Variants in VIL1 observed in about 807,000 individuals in gnomAD.
VIL1 encodes the protein villin 1, also known as villin-1.
A neutral mutation model predicts 104.0 loss-of-function variants in VIL1; 86 were observed. The observed-to-expected ratio is 0.83, with a 90% confidence interval of 0.69 to 0.99. The LOEUF (loss-of-function observed/expected upper bound fraction) is 0.99, where lower values mean the gene tolerates loss of function less well. VIL1 is among the 50% of genes least tolerant of loss of function. The pLI, the probability that VIL1 is intolerant of heterozygous loss-of-function variation, is 0.00. For missense variants in VIL1, 944 were observed against 1,054.1 expected (o/e 0.90, Z 1.45); for synonymous variants, 394 against 412.6 (o/e 0.95, Z 0.55).
intron 4 of VIL1, among the ~76,000 whole-genome samples, chr2:218,427,568 T>C (rs1047662540): frequency 5.3e-5 from 8 of 152,232 alleles, no homozygotes; most frequent in South Asian, 2.1e-4. Flanking sequence ...TCAAATGATC[T>C]GCCCACCTCG....
At chr2:218,425,022 A>G (rs1688955972) in intron 3 of VIL1, among the ~76,000 whole-genome samples, 1 of 151,990 alleles carries the variant, frequency 6.6e-6, no homozygotes, top group South Asian at 2.1e-4. Flanking sequence ...TACTATTAAG[A>G]CATTTGTATT....
chr2:218,425,899 C>A, intron 4 of VIL1, 88 bp downstream of exon 4: 2 of 1,379,910 alleles, frequency 1.4e-6, no homozygotes, highest in Non-Finnish European at 9.8e-7. Context: ...CAGGGACACC[C>A]AGACCTGTTC....
In VIL1 at chr2:218,434,521, T is replaced by C. The variant is rs368082089; in HGVS notation, c.1501-5T>C. ...TCTCTCCCTGTCTTCTGCCCTCACCTGCAGGGAGGCACCTCCCGAACTAAC... is the reference window on the plus strand; with the variant it reads ...TCTCTCCCTGTCTTCTGCCCTCACCCGCAGGGAGGCACCTCCCGAACTAAC... On this transcript the variant is annotated splice_polypyrimidine_tract_variant and splice_region_variant and intron_variant, in intron 13 of 19. Coordinates refer to ENST00000248444, the MANE Select transcript of VIL1 (RefSeq NM_007127.3). The C allele has an allele frequency of 6.2e-7, 1 of 1,608,318 alleles. No individual in the cohort carries two copies. Among genetic ancestry groups the C allele is most frequent in the Non-Finnish European group, 8.5e-7 (1 of 1,177,392 alleles).
chr2:218,446,055 G>A (rs1689359359), intron 19 of VIL1, among the ~76,000 whole-genome samples: 1 of 152,002 alleles, frequency 6.6e-6, no homozygotes, highest in African/African-American at 2.4e-5. Flanking sequence ...AAAAAGCTAG[G>A]CAAAATTTAG....
chr2:218,424,395 C>A, intron 3 of VIL1, 44 bp downstream of exon 3: 1 of 1,594,372 alleles, frequency 6.3e-7, no homozygotes, highest in Non-Finnish European at 8.6e-7. Context: ...GAGCAAAACC[C>A]ACTGTGGTGT....
intron 18 of VIL1, among the ~76,000 whole-genome samples, chr2:218,439,066 G>T: frequency 6.6e-6 from 1 of 151,812 alleles, no homozygotes; most frequent in East Asian, 1.9e-4. Flanking sequence ...AAGTAGCTGG[G>T]ATTACAGGTG....
chr2:218,433,910 A>G (rs1009480410), intron 13 of VIL1, among the ~76,000 whole-genome samples: 1 of 149,738 alleles, frequency 6.7e-6, no homozygotes, highest in Non-Finnish European at 1.5e-5. Context: ...GGAAAAAAAA[A>G]AAAAGGCTAG....
intron 19 of VIL1, among the ~76,000 whole-genome samples, chr2:218,441,799 C>A (rs1689288857): frequency 6.6e-6 from 1 of 152,042 alleles, no homozygotes; most frequent in South Asian, 2.1e-4. Context: ...ACCAGCCTGG[C>A]CAACATGGTG....
In VIL1 at chr2:218,434,679, T is replaced by A; in HGVS notation, c.1654T>A (p.Ser552Thr). The change falls in exon 14 of 20, where the codon TCT becomes ACT. Residue 552 changes from serine (S) to threonine (T), a missense_variant. By Grantham distance (58) the Ser-to-Thr change is moderately conservative. Transcript: ENST00000248444. ...SNDVFVLKTQ[S>T]CCYLWCGKGC... ...TGATGTCTTTGTCCTCAAGACCCAGTCTTGCTGCTATCTATGGTGTGGGAA... is the reference window on the plus strand; with the variant it reads ...TGATGTCTTTGTCCTCAAGACCCAGACTTGCTGCTATCTATGGTGTGGGAA... 2 of 1,613,964 alleles carry A rather than the reference T, an allele frequency of 1.2e-6. No individual in the cohort carries two copies. The highest frequency in any genetic ancestry group is 1.7e-6 in the Non-Finnish European group (2 of 1,179,876).
Position 218,452,722 on chromosome 2 carries a change from AG to A in VIL1, c.*3388del, listed in dbSNP as rs1363732154. 2 of 152,242 alleles carry A rather than the reference AG, an allele frequency of 1.3e-5. 1 individual carries two copies. The highest frequency in any genetic ancestry group is 1.3e-4 in the Admixed American group (2 of 15,278). 9.4% of individuals were successfully genotyped at this position (152,242 alleles called of 1,614,324 possible). A position where few individuals can be genotyped will look rare whatever the true frequency, so the allele number is the denominator to read the frequency against. ...GCAATTCAAATGAGGCTGCTTCATGAGGCAATCTAGACTTATGGCATTATTT... is the reference window on the plus strand; with the variant it reads ...GCAATTCAAATGAGGCTGCTTCATGAGCAATCTAGACTTATGGCATTATTT... On this transcript the variant is annotated 3_prime_UTR_variant, in exon 20 of 20. Transcript: ENST00000248444.
Position 218,425,676 on chromosome 2 carries a change from C to A in VIL1, c.212C>A (p.Ser71Tyr), listed in dbSNP as rs778694315. 4 of 1,613,676 alleles carry A rather than the reference C, an allele frequency of 2.5e-6. No homozygotes were observed. Among genetic ancestry groups the A allele is most frequent in the Non-Finnish European group, 3.4e-6 (4 of 1,179,914 alleles). Residue 71 changes from serine to tyrosine, a missense_variant, in exon 4 of 20, where the codon TCC becomes TAC. Ser to Tyr is a moderately radical substitution (Grantham distance 144). Transcript: ENST00000248444. Reference protein sequence around the residue: ...DIHYWIGQDSSLDEQGAAAIY... With the variant: ...DIHYWIGQDSYLDEQGAAAIY... ...CACTACTGGATTGGCCAGGACTCAT[C>A]CCTGGATGAGCAGGGGGCAGCTGCC...
chr2:218,433,522 G>C (rs1689135411), intron 13 of VIL1, among the ~76,000 whole-genome samples: 1 of 152,142 alleles, frequency 6.6e-6, no homozygotes, highest in Non-Finnish European at 1.5e-5. Context: ...TGGATCACCT[G>C]AGGTCAGTAG....
At position 218,425,725 on chromosome 2, in the gene VIL1, C is replaced by T. The variant is rs1220725210; in HGVS notation, c.261C>T (p.Asp87=). 1.2e-6 allele frequency: 2 copies of T among 1,614,186 alleles called. No homozygotes were observed. The highest frequency in any genetic ancestry group is 1.7e-6 in the Non-Finnish European group (2 of 1,180,032). The part of the protein sequence containing the change: ...AAAIYTTQMD[D]FLKGRAVQHR... Reference sequence around the variant, plus strand: ...CCATCTACACCACACAGATGGATGACTTCCTGAAGGGCCGGGCTGTGCAGC... The same window carrying T: ...CCATCTACACCACACAGATGGATGATTTCCTGAAGGGCCGGGCTGTGCAGC... The change falls in exon 4 of 20, where the codon GAC becomes GAT. Residue 87 remains aspartate (D), a synonymous_variant. Transcript: ENST00000248444.
At chr2:218,436,700 G>A (rs953665859) in intron 16 of VIL1, 74 bp downstream of exon 16, 11 of 1,536,168 alleles carry the variant, frequency 7.2e-6, no homozygotes, top group African/African-American at 2.8e-5. Flanking sequence ...TGGCTTTAAG[G>A]TTAGGTAAGT....
chr2:218,425,588 C>T (rs200531340), intron 3 of VIL1, 27 bp from the exon 4 acceptor site: 295 of 1,611,690 alleles, frequency 1.8e-4, no homozygotes, highest in Non-Finnish European at 2.3e-4. Flanking sequence ...CCCAGGGTCT[C>T]GGGTACACTG....
chr2:218,438,615 C>G, intron 17 of VIL1, 43 bp from the exon 18 acceptor site: 1 of 1,569,554 alleles, frequency 6.4e-7, no homozygotes, highest in Non-Finnish European at 8.7e-7. Flanking sequence ...TCCATCTCCT[C>G]TGCTGAGATC....
intron 1 of VIL1, among the ~76,000 whole-genome samples, chr2:218,423,045 C>T (rs890203408): frequency 5.9e-5 from 9 of 152,204 alleles, no homozygotes; most frequent in African/African-American, 2.2e-4. Flanking sequence ...CAGCACGTTC[C>T]GAAGCTCCCC....
At chr2:218,437,870 G>A (rs1270418537) in intron 17 of VIL1, among the ~76,000 whole-genome samples, 4 of 152,132 alleles carry the variant, frequency 2.6e-5, no homozygotes, top group Admixed American at 6.5e-5. Flanking sequence ...AGAAGCAAGG[G>A]GCAGATACCC....
At chr2:218,440,080 C>T (rs1689261840) in intron 18 of VIL1, among the ~76,000 whole-genome samples, 1 of 151,876 alleles carries the variant, frequency 6.6e-6, no homozygotes, top group Non-Finnish European at 1.5e-5. Flanking sequence ...TACAGACTGG[C>T]ATGTATAGAT....
Sources: gnomAD v4.1 joint callset for allele counts (sites outside exome capture counted in the v4.1 genomes callset) on GRCh38, gnomAD v4.1.1 for gene constraint, MANE v1.5 for transcripts, NCBI Gene and HGNC (gene_info 2026-07-23, HGNC 2026-07-21) for gene names.